Variants in SLC5A4 observed in about 807,000 individuals in gnomAD.
SLC5A4 encodes the protein solute carrier family 5 member 4.
In SLC5A4, 55 loss-of-function variants were observed where a neutral mutation model predicts 70.3. The ratio of observed to expected loss-of-function variants is 0.78; its 90% CI spans 0.63 to 0.98. The LOEUF (loss-of-function observed/expected upper bound fraction) is 0.98. SLC5A4 is among the 50% of genes least tolerant of loss of function. SLC5A4 has a pLI of 0.00. For synonymous variants in SLC5A4, 268 were observed against 305.7 expected (o/e 0.88, Z 1.29); for missense variants, 735 against 839.2 (o/e 0.88, Z 1.53).
the SLC5A4 span, among the ~76,000 whole-genome samples, chr22:32,301,463 C>A: frequency 6.6e-6 from 1 of 152,068 alleles, no homozygotes; most frequent in Non-Finnish European, 1.5e-5. Context: ...TTTAACAAAA[C>A]AGTATAAAAC....
the SLC5A4 span, among the ~76,000 whole-genome samples, chr22:32,311,217 C>T: frequency 2.0e-5 from 3 of 152,190 alleles, no homozygotes; most frequent in Admixed American, 2.0e-4. Context: ...ACTGTATTCC[C>T]GCCCCAGCTA....
intron 5 of SLC5A4, among the ~76,000 whole-genome samples, chr22:32,244,757 T>C (rs1198705175): frequency 6.6e-6 from 1 of 152,202 alleles, no homozygotes; most frequent in East Asian, 1.9e-4. Flanking sequence ...CTGGAACTCC[T>C]GGCCTCCAGT....
rs777086796 is a variant in SLC5A4 at position 32,218,520 on chromosome 22, A to G, written c.1974T>C (p.Tyr658=). Reference sequence around the variant, plus strand: ...CTAATGGCTCAGATAGAGTTCAGGCATAGTAGCCGTGAATAAAGACCACCA... The same window carrying G: ...CTAATGGCTCAGATAGAGTTCAGGCGTAGTAGCCGTGAATAAAGACCACCA... ...LAVVVFIHGY[Y]A Residue 658 remains tyrosine, a synonymous_variant, in exon 15 of 15, where the codon TAT becomes TAC. Coordinates refer to ENST00000266086, the MANE Select transcript of SLC5A4 (RefSeq NM_014227.3). 6.2e-7 allele frequency: 1 copy of G among 1,607,680 alleles called. No individual in the cohort carries two copies. The highest frequency in any genetic ancestry group is 8.5e-7 in the Non-Finnish European group (1 of 1,175,028).
At chr22:32,231,819 G>C (rs1230037798) in intron 9 of SLC5A4, among the ~76,000 whole-genome samples, 1 of 151,600 alleles carries the variant, frequency 6.6e-6, no homozygotes, top group African/African-American at 2.4e-5. Context: ...TCAGTCTCCT[G>C]TTTTCATTTT....
At chr22:32,296,470 A>G in the SLC5A4 span, among the ~76,000 whole-genome samples, 1 of 60,480 alleles carries the variant, frequency 1.7e-5, no homozygotes, top group Non-Finnish European at 3.2e-5. Context: ...TTGTTGGTGT[A>G]TAAGAATGCT....
chr22:32,292,813 C>G, the SLC5A4 span, among the ~76,000 whole-genome samples: 20 of 151,992 alleles, frequency 1.3e-4, no homozygotes, highest in Non-Finnish European at 2.6e-4. Context: ...ACATTCAGTT[C>G]TTCATATTCT....
the SLC5A4 span, chr22:32,271,636 C>T: frequency 1.3e-5 from 8 of 621,744 alleles, no homozygotes; most frequent in South Asian, 6.7e-5. Context: ...TGTTCATCTG[C>T]GGCCCCTCAC....
At chr22:32,353,281 A>T in the SLC5A4 span, among the ~76,000 whole-genome samples, 1 of 152,024 alleles carries the variant, frequency 6.6e-6, no homozygotes, top group Non-Finnish European at 1.5e-5. Context: ...AACCCCAGCC[A>T]GCCCTCCCAA....
At chr22:32,228,067 A>C (rs1300270048) in intron 11 of SLC5A4, among the ~76,000 whole-genome samples, 2 of 152,200 alleles carry the variant, frequency 1.3e-5, no homozygotes, top group Admixed American at 1.3e-4. Flanking sequence ...CACAGTGGTT[A>C]GCTTTGGAAC....
At chr22:32,285,585 C>T in the SLC5A4 span, among the ~76,000 whole-genome samples, 6 of 151,850 alleles carry the variant, frequency 4.0e-5, no homozygotes, top group South Asian at 2.1e-4. Context: ...CTATAGTTTC[C>T]GGGTATCTGG....
chr22:32,289,062 G>A, the SLC5A4 span, among the ~76,000 whole-genome samples: 1,249 of 152,094 alleles, frequency 8.2e-3, 5 homozygotes, highest in Non-Finnish European at 0.013. Flanking sequence ...AAAGCTTTCC[G>A]TATTTCAAGT....
chr22:32,308,463 G>GA, the SLC5A4 span, among the ~76,000 whole-genome samples: 2 of 111,264 alleles, frequency 1.8e-5, no homozygotes, highest in Non-Finnish European at 4.4e-5. Flanking sequence ...GCCTGTGGGG[G>GA]AGTCAGTGTC....
the SLC5A4 span, among the ~76,000 whole-genome samples, chr22:32,352,407 TAAAAAAA>T: frequency 2.8e-4 from 39 of 138,198 alleles, no homozygotes; most frequent in Admixed American, 2.5e-3. Flanking sequence ...CCCCAGAAAT[TAAAAAAA>T]AAAAAAGTCC....
chr22:32,287,655 CTTTT>C, the SLC5A4 span, among the ~76,000 whole-genome samples: 2 of 146,220 alleles, frequency 1.4e-5, no homozygotes, highest in Non-Finnish European at 3.0e-5. Context: ...TTTTCTTTTT[CTTTT>C]TTTTTCTTTA....
At chr22:32,271,321 G>A in the SLC5A4 span, 2 of 739,270 alleles carry the variant, frequency 2.7e-6, no homozygotes, top group South Asian at 2.9e-5. Flanking sequence ...CATGTGCCAG[G>A]AGGAGCTGCC....
the SLC5A4 span, among the ~76,000 whole-genome samples, chr22:32,282,516 C>G: frequency 6.6e-6 from 1 of 152,312 alleles, no homozygotes; most frequent in East Asian, 1.9e-4. Flanking sequence ...TCAGTCCTTA[C>G]TGTACCTTGT....
chr22:32,321,099 A>G, the SLC5A4 span, among the ~76,000 whole-genome samples: 3 of 152,260 alleles, frequency 2.0e-5, no homozygotes, highest in African/African-American at 7.2e-5. Context: ...CAGCCTGACC[A>G]ACATGTTGAA....
intron 5 of SLC5A4, among the ~76,000 whole-genome samples, chr22:32,242,646 T>C (rs997030166): frequency 6.6e-6 from 1 of 152,056 alleles, no homozygotes; most frequent in East Asian, 1.9e-4. Context: ...CAGGCAGAGG[T>C]TGCAGTGAAC....
chr22:32,351,276 ATT>A, the SLC5A4 span, among the ~76,000 whole-genome samples: 1 of 152,176 alleles, frequency 6.6e-6, no homozygotes, highest in South Asian at 2.1e-4. Context: ...TTGACGCTTC[ATT>A]TTTTGATTCC....
Sources: gnomAD v4.1 joint callset for allele counts (sites outside exome capture counted in the v4.1 genomes callset) on GRCh38, gnomAD v4.1.1 for gene constraint, MANE v1.5 for transcripts, NCBI Gene and HGNC (gene_info 2026-07-23, HGNC 2026-07-21) for gene names.